CECR2: variants seen among roughly 807,000 people sequenced by gnomAD.
CECR2 encodes the protein chromatin remodeling regulator CECR2.
In CECR2, 30 loss-of-function variants were observed where a neutral mutation model predicts 154.5. That is an observed-to-expected ratio of 0.19 (90% CI 0.15 to 0.26). The LOEUF (loss-of-function observed/expected upper bound fraction) is 0.26, where lower values mean the gene tolerates loss of function less well. Among genes scored for constraint, CECR2 ranks in the 10% least tolerant of loss-of-function variants. CECR2 has a pLI of 1.00. For missense variants in CECR2, 1,743 were observed against 1,829.3 expected, an observed-to-expected ratio of 0.95 and a Z score of 0.86; for synonymous variants, 725 against 683.7, an observed-to-expected ratio of 1.06 and a Z score of -0.94.
intron 1 of CECR2, among the ~76,000 whole-genome samples, chr22:17,401,723 A>C (rs998650865): frequency 6.6e-6 from 1 of 151,904 alleles, no homozygotes; most frequent in African/African-American, 2.4e-5. Context: ...GAGTGCACCT[A>C]TTGGCAAAAA....
intron 1 of CECR2, among the ~76,000 whole-genome samples, chr22:17,396,761 T>C (rs1444181399): frequency 6.6e-6 from 1 of 152,080 alleles, no homozygotes; most frequent in Non-Finnish European, 1.5e-5. Flanking sequence ...GGAGAAGTAA[T>C]CTCTGCAGAG....
intron 8 of CECR2, among the ~76,000 whole-genome samples, chr22:17,517,006 G>A (rs1389442251): frequency 6.6e-6 from 1 of 151,898 alleles, no homozygotes; most frequent in Non-Finnish European, 1.5e-5. Flanking sequence ...TGCCTCCCGA[G>A]TAGCTGGGAT....
At chr22:17,415,566 A>C (rs144694848) in intron 1 of CECR2, among the ~76,000 whole-genome samples, 1 of 152,296 alleles carries the variant, frequency 6.6e-6, no homozygotes, top group African/African-American at 2.4e-5. Context: ...GGTTCATTTA[A>C]ATTACTGTGC....
At chr22:17,464,136 T>C (rs935002794) in intron 1 of CECR2, among the ~76,000 whole-genome samples, 8 of 152,236 alleles carry the variant, frequency 5.3e-5, no homozygotes, top group African/African-American at 1.9e-4. Context: ...AGATTTTGTA[T>C]AGAAGTTTTT....
intron 2 of CECR2, among the ~76,000 whole-genome samples, chr22:17,495,938 G>T (rs2055620135): frequency 6.6e-6 from 1 of 151,396 alleles, no homozygotes; most frequent in African/African-American, 2.4e-5. Flanking sequence ...ATGCTCTGGA[G>T]ACCAAGGTGG....
At chr22:17,493,947 A>G (rs2055575132) in intron 2 of CECR2, among the ~76,000 whole-genome samples, 1 of 152,242 alleles carries the variant, frequency 6.6e-6, no homozygotes, top group African/African-American at 2.4e-5. Context: ...AGGAAAAAAC[A>G]GACTTTAGTG....
intron 9 of CECR2, among the ~76,000 whole-genome samples, chr22:17,532,110 C>T (rs547727721): frequency 1.3e-5 from 2 of 152,128 alleles, no homozygotes; most frequent in South Asian, 2.1e-4. Flanking sequence ...GTCAAGGCTG[C>T]AGTGAGCCGT....
chr22:17,424,230 A>G (rs868531729), intron 1 of CECR2, among the ~76,000 whole-genome samples: 1 of 149,898 alleles, frequency 6.7e-6, no homozygotes, highest in Non-Finnish European at 1.5e-5. Flanking sequence ...GAGCCACCAC[A>G]CCCGGCCATG....
chr22:17,539,260 C>G, intron 13 of CECR2, 141 bp downstream of exon 13: 1 of 891,570 alleles, frequency 1.1e-6, no homozygotes, highest in South Asian at 1.6e-5. Context: ...ATTGACCATT[C>G]CAGCCACTTA....
At chr22:17,527,088 CTT>C (rs1404687130) in intron 9 of CECR2, among the ~76,000 whole-genome samples, 1 of 152,136 alleles carries the variant, frequency 6.6e-6, no homozygotes, top group Non-Finnish European at 1.5e-5. Flanking sequence ...TGAAATAACT[CTT>C]AGGAAAAAGT....
chr22:17,521,884 G>T lies in CECR2; in HGVS notation c.955-2234G>T, dbSNP rs916959712. ...TTCTTCTAGGGTTTTTATGGTTTTA[G>T]GTTTTACATTTAAGTCTTTAATGCA... On this transcript the variant is annotated intron_variant, in intron 8 of 18. Transcript: ENST00000262608. 3.7e-4 allele frequency among the ~76,000 whole-genome samples: 57 copies of T among 152,254 alleles called. 1 individual carries two copies. Among genetic ancestry groups the T allele is most frequent in the African/African-American group, 1.3e-3 (55 of 41,546 alleles).
At chr22:17,542,085 C>A in intron 15 of CECR2, 72 bp from the exon 16 acceptor site, 1 of 1,572,576 alleles carries the variant, frequency 6.4e-7, no homozygotes. Flanking sequence ...AGTCTGTTCC[C>A]ATAGAGAAGC....
At chr22:17,533,415 A>G (rs1471887897) in intron 9 of CECR2, among the ~76,000 whole-genome samples, 1 of 151,878 alleles carries the variant, frequency 6.6e-6, no homozygotes, top group Non-Finnish European at 1.5e-5. Context: ...GGATCACTTG[A>G]GCTAAGGAGT....
chr22:17,512,792 G>A (rs1291461839), intron 8 of CECR2, among the ~76,000 whole-genome samples: 5 of 152,054 alleles, frequency 3.3e-5, no homozygotes, highest in African/African-American at 1.2e-4. Context: ...TGGAGATGTA[G>A]CATGGACCTG....
At chr22:17,533,215 G>C (rs1452708210) in intron 9 of CECR2, among the ~76,000 whole-genome samples, 1 of 151,392 alleles carries the variant, frequency 6.6e-6, no homozygotes, top group Non-Finnish European at 1.5e-5. Flanking sequence ...AGCTACTTGA[G>C]AGGCTGAGGC....
rs1246740432 is a variant in CECR2, at chr22:17,525,322, A to AAGGG, written c.1108+1061_1108+1064dup. On this transcript the variant is annotated intron_variant, in intron 9 of 18. Coordinates refer to ENST00000262608, the MANE Select transcript of CECR2 (RefSeq NM_001290047.2). ...AAAAAAAAAAAAAAAAAAAGAAAGG[A>AAGGG]AGGGAGGGAGGGAAAAGAAAAGAAA... Among the ~76,000 whole-genome samples, 72 of 134,164 alleles carry AAGGG rather than the reference A, an allele frequency of 5.4e-4. 1 individual carries two copies. The highest frequency in any genetic ancestry group is 1.8e-3 in the African/African-American group (63 of 35,846). 88.0% of individuals were successfully genotyped at this position (134,164 alleles called of 152,430 possible). A position where few individuals can be genotyped will look rare whatever the true frequency, so the allele number is the denominator to read the frequency against.
intron 1 of CECR2, among the ~76,000 whole-genome samples, chr22:17,403,332 G>A (rs547379565): frequency 3.3e-5 from 5 of 152,150 alleles, no homozygotes; most frequent in East Asian, 1.9e-4. Context: ...ATGATGTATT[G>A]TTTTTGCTTT....
chr22:17,433,553 C>T (rs2054458668), intron 1 of CECR2, among the ~76,000 whole-genome samples: 1 of 152,156 alleles, frequency 6.6e-6, no homozygotes, highest in African/African-American at 2.4e-5. Flanking sequence ...TCAAGTAGTC[C>T]TCCCACCTCA....
chr22:17,399,348 T>C (rs557008783), intron 1 of CECR2, among the ~76,000 whole-genome samples: 1 of 152,198 alleles, frequency 6.6e-6, no homozygotes, highest in South Asian at 2.1e-4. Context: ...CAAAGTCTTC[T>C]CCTGGGAAGA....
Sources: gnomAD v4.1 joint callset for allele counts (sites outside exome capture counted in the v4.1 genomes callset) on GRCh38, gnomAD v4.1.1 for gene constraint, MANE v1.5 for transcripts, NCBI Gene and HGNC (gene_info 2026-07-23, HGNC 2026-07-21) for gene names.